OR51B5: variants seen among roughly 807,000 people sequenced by gnomAD.
OR51B5 encodes olfactory receptor family 51 subfamily B member 5, also known as olfactory receptor 51B5.
For missense variants in OR51B5, 456 were observed against 374.6 expected (o/e 1.22, Z -1.79); for synonymous variants, 186 against 144.8 (o/e 1.28, Z -2.04).
At chr11:5,425,450 C>T (rs144939579) in intron 1 of OR51B5, among the ~76,000 whole-genome samples, 1,775 of 152,278 alleles carry the variant, frequency 0.012, 21 homozygotes, top group Non-Finnish European at 0.018. Flanking sequence ...TAGTCTGCTT[C>T]ATTATTTGTT....
At position 5,350,858 on chromosome 11, in the gene OR51B5, G is replaced by A. The variant is rs184151049; in HGVS notation, n.85-3948C>T. 9.9e-5 allele frequency among the ~76,000 whole-genome samples: 15 copies of A among 152,236 alleles called. No individual in the cohort carries two copies. The East Asian group carries it at 2.3e-3, about 24-fold the overall frequency. The stretch of plus-strand genomic sequence containing the variant: ...ACACACACAGGTAAGTCACTCTTAC[G>A]TCATTTTCTAACTACCCAAAAGTCT... On this transcript the variant is annotated intron_variant and non_coding_transcript_variant, in intron 1 of 4. Coordinates refer to the OR51B5 transcript ENST00000415970.
At chr11:5,373,714 G>A (rs1464721546) in intron 1 of OR51B5, among the ~76,000 whole-genome samples, 1 of 152,194 alleles carries the variant, frequency 6.6e-6, no homozygotes, top group Non-Finnish European at 1.5e-5. Context: ...CGCCCACGGA[G>A]TCTCCCTGAT....
chr11:5,487,708 C>T (rs528326572), intron 1 of OR51B5, among the ~76,000 whole-genome samples: 1 of 152,254 alleles, frequency 6.6e-6, no homozygotes, highest in East Asian at 1.9e-4. Flanking sequence ...ATCCAGAATA[C>T]CTCACTTTTT....
chr11:5,397,065 A>C (rs1332403074), intron 1 of OR51B5, among the ~76,000 whole-genome samples: 3 of 152,252 alleles, frequency 2.0e-5, no homozygotes, highest in African/African-American at 7.2e-5. Flanking sequence ...AAGATGGATT[A>C]AAGACTTAAA....
At chr11:5,360,136 G>T (rs28778727) in intron 1 of OR51B5, among the ~76,000 whole-genome samples, 55,674 of 149,154 alleles carry the variant, frequency 0.37, 10,567 homozygotes, top group Non-Finnish European at 0.4. Context: ...AAGCCAAAAT[G>T]GACAAATGGG....
intron 1 of OR51B5, among the ~76,000 whole-genome samples, chr11:5,372,297 T>G (rs536376427): frequency 6.6e-6 from 1 of 152,214 alleles, no homozygotes; most frequent in Non-Finnish European, 1.5e-5. Flanking sequence ...GCAGAGAAAT[T>G]TCTTCATCAT....
intron 1 of OR51B5, among the ~76,000 whole-genome samples, chr11:5,407,947 G>T (rs2133747570): frequency 6.6e-6 from 1 of 152,068 alleles, no homozygotes; most frequent in East Asian, 1.9e-4. Flanking sequence ...AATTTCAAAA[G>T]ATTTGAGAGA....
intron 1 of OR51B5, among the ~76,000 whole-genome samples, chr11:5,408,957 G>A (rs896070820): frequency 3.3e-5 from 5 of 151,854 alleles, no homozygotes; most frequent in African/African-American, 1.2e-4. Context: ...AATTCCAAAT[G>A]TTGTGCATTC....
At chr11:5,385,553 G>C (rs942168884) in intron 1 of OR51B5, 1 of 151,902 alleles carries the variant, frequency 6.6e-6, no homozygotes, top group African/African-American at 2.4e-5. Context: ...CAGGCTCCAG[G>C]GGCCTTTAGA....
At chr11:5,356,910 A>C (rs1849202767) in intron 1 of OR51B5, among the ~76,000 whole-genome samples, 1 of 150,598 alleles carries the variant, frequency 6.6e-6, no homozygotes, top group South Asian at 2.1e-4. Flanking sequence ...AAAATACTTT[A>C]CAGACAAGCA....
In OR51B5 at chr11:5,413,063, G is replaced by A. The variant is rs566901975; in HGVS notation, n.85-66153C>T. Among the ~76,000 whole-genome samples, 230 of 152,220 alleles carry A rather than the reference G, an allele frequency of 1.5e-3. 1 individual carries two copies. The highest frequency in any genetic ancestry group is 2.4e-3 in the Non-Finnish European group (165 of 68,004). ...AGTAGGGCAGACTGACACCTCACAC[G>A]GCCTGATACTCCTCTGAGACAAAAC... is the stretch of plus-strand genomic sequence containing the variant. On this transcript the variant is annotated intron_variant and non_coding_transcript_variant, in intron 1 of 4. Coordinates refer to the OR51B5 transcript ENST00000415970.
At chr11:5,453,589 T>C (rs779753433) in intron 1 of OR51B5, 3 of 1,613,554 alleles carry the variant, frequency 1.9e-6, no homozygotes, top group South Asian at 2.2e-5. Context: ...CTCTGCGTGA[T>C]GTATGCTGTG....
At chr11:5,469,039 G>T (rs1472722281) in intron 1 of OR51B5, 7 of 293,854 alleles carry the variant, frequency 2.4e-5, no homozygotes, top group Non-Finnish European at 3.4e-5. Flanking sequence ...GCGGGTTACA[G>T]ATGGCCACAT....
intron 1 of OR51B5, among the ~76,000 whole-genome samples, chr11:5,358,242 C>T (rs1286647257): frequency 6.6e-6 from 1 of 152,032 alleles, no homozygotes; most frequent in African/African-American, 2.4e-5. Flanking sequence ...TGATAGACTG[C>T]TAGCAAGACT....
At chr11:5,484,968 A>G (rs961370116) in intron 1 of OR51B5, among the ~76,000 whole-genome samples, 17 of 152,228 alleles carry the variant, frequency 1.1e-4, no homozygotes, top group African/African-American at 4.1e-4. Context: ...TGATTTTAGC[A>G]CTTTCAGATT....
At chr11:5,413,039 GTA>G (rs1850175463) in intron 1 of OR51B5, among the ~76,000 whole-genome samples, 4 of 47,396 alleles carry the variant, frequency 8.4e-5, no homozygotes, top group Non-Finnish European at 2.9e-4. Context: ...GCACCCCCCA[GTA>G]GGGCAGACTG....
intron 1 of OR51B5, among the ~76,000 whole-genome samples, chr11:5,401,740 A>T (rs989772666): frequency 1.5e-5 from 2 of 136,934 alleles, no homozygotes; most frequent in African/African-American, 5.1e-5. Flanking sequence ...ACATCTCCAC[A>T]CCAACTCAAG....
intron 1 of OR51B5, among the ~76,000 whole-genome samples, chr11:5,357,202 C>T (rs1849207383): frequency 6.6e-6 from 1 of 151,972 alleles, no homozygotes; most frequent in Admixed American, 6.5e-5. Context: ...AGAGTCAAGA[C>T]CCATCAGTGT....
intron 1 of OR51B5, among the ~76,000 whole-genome samples, chr11:5,359,152 G>A (rs1381924351): frequency 6.6e-6 from 1 of 152,044 alleles, no homozygotes; most frequent in East Asian, 1.9e-4. Flanking sequence ...AGGGCAATTA[G>A]GCAGGAGAAG....
Sources: allele counts gnomAD v4.1 joint callset (sites outside exome capture counted in the v4.1 genomes callset), GRCh38; gene constraint gnomAD v4.1.1; transcripts MANE v1.5; gene names NCBI Gene and HGNC (gene_info 2026-07-23, HGNC 2026-07-21).